The following ITPR2 variants were observed in gnomAD, a reference collection of about 807,000 sequenced individuals.
ITPR2 encodes inositol 1,4,5-trisphosphate receptor type 2.
ITPR2 carries 207 observed loss-of-function variants against 317.1 expected under a neutral mutation model. The ratio of observed to expected loss-of-function variants is 0.65; its 90% confidence interval spans 0.58 to 0.73. The LOEUF (loss-of-function observed/expected upper bound fraction) is 0.73. ITPR2 is among the 30% of genes least tolerant of loss of function. The pLI, the probability that ITPR2 is intolerant of heterozygous loss-of-function variation, is 0.00. For missense variants in ITPR2, 2,613 were observed against 3,284.0 expected (o/e 0.80, Z 4.99); for synonymous variants, 1,156 against 1,149.1 (o/e 1.01, Z -0.12).
intron 21 of ITPR2, among the ~76,000 whole-genome samples, chr12:26,642,947 G>T (rs573308489): frequency 1.8e-4 from 27 of 152,230 alleles, no homozygotes; most frequent in African/African-American, 6.5e-4. Flanking sequence ...CTGTGTTTGT[G>T]TCCCCCCGAA....
At chr12:26,490,180 G>A (rs957204733) in intron 39 of ITPR2, among the ~76,000 whole-genome samples, 6 of 152,172 alleles carry the variant, frequency 3.9e-5, no homozygotes, top group African/African-American at 7.2e-5. Flanking sequence ...CTATACTGAA[G>A]AAGTTGAAAT....
At chr12:26,549,214 A>G (rs1358693739) in intron 37 of ITPR2, among the ~76,000 whole-genome samples, 1 of 152,204 alleles carries the variant, frequency 6.6e-6, no homozygotes, top group East Asian at 1.9e-4. Context: ...CTAAAATTGC[A>G]TTGACCACCT....
At chr12:26,537,724 A>G (rs777342813) in intron 37 of ITPR2, among the ~76,000 whole-genome samples, 1 of 152,214 alleles carries the variant, frequency 6.6e-6, no homozygotes, top group African/African-American at 2.4e-5. Context: ...TCTGTATTCC[A>G]TGACTGTATA....
chr12:26,456,231 C>T (rs1941881921), intron 45 of ITPR2, among the ~76,000 whole-genome samples: 1 of 152,154 alleles, frequency 6.6e-6, no homozygotes. Context: ...AGAAGCTGGC[C>T]AAAACCCACC....
chr12:26,832,561 G>T, intron 1 of ITPR2, 129 bp downstream of exon 1: 1 of 581,006 alleles, frequency 1.7e-6, no homozygotes, highest in Non-Finnish European at 2.9e-6. Flanking sequence ...GGCGCTGTCC[G>T]CGGGCGCCGA....
At chr12:26,466,704 T>C (rs1942178437) in intron 45 of ITPR2, among the ~76,000 whole-genome samples, 1 of 152,222 alleles carries the variant, frequency 6.6e-6, no homozygotes, top group Non-Finnish European at 1.5e-5. Context: ...ATCACATTTT[T>C]ATAGATGAGA....
intron 1 of ITPR2, among the ~76,000 whole-genome samples, chr12:26,825,651 T>G (rs1444474390): frequency 6.6e-6 from 1 of 152,198 alleles, no homozygotes; most frequent in Non-Finnish European, 1.5e-5. Flanking sequence ...GGAGGGGTGG[T>G]TGTTTACTTG....
chr12:26,784,735 C>G (rs896882355), intron 2 of ITPR2, among the ~76,000 whole-genome samples: 3 of 151,104 alleles, frequency 2.0e-5, no homozygotes, highest in South Asian at 4.2e-4. Context: ...CCCAAAGTGC[C>G]GAGATTGCAG....
chr12:26,341,146 C>T (rs947741195), intron 55 of ITPR2, among the ~76,000 whole-genome samples: 2 of 152,132 alleles, frequency 1.3e-5, no homozygotes, highest in African/African-American at 4.8e-5. Context: ...ATCATGTGGT[C>T]CCCATTTTAC....
At chr12:26,605,277 T>C (rs1946106861) in intron 26 of ITPR2, among the ~76,000 whole-genome samples, 1 of 151,868 alleles carries the variant, frequency 6.6e-6, no homozygotes, top group Non-Finnish European at 1.5e-5. Flanking sequence ...TTCCATTTGA[T>C]AGCAAAAATA....
chr12:26,731,698 T>G (rs1486700014), intron 2 of ITPR2, among the ~76,000 whole-genome samples: 1 of 152,112 alleles, frequency 6.6e-6, no homozygotes, highest in African/African-American at 2.4e-5. Context: ...CTCAGGAGGC[T>G]GAGACAAGAG....
intron 1 of ITPR2, among the ~76,000 whole-genome samples, chr12:26,807,316 A>G (rs1478159511): frequency 1.3e-5 from 2 of 152,246 alleles, no homozygotes; most frequent in East Asian, 1.9e-4. Context: ...TCTATGTTCC[A>G]CTGTAATAAA....
chr12:26,764,628 A>G (rs768461334), intron 2 of ITPR2, among the ~76,000 whole-genome samples: 9 of 152,156 alleles, frequency 5.9e-5, no homozygotes, highest in Non-Finnish European at 1.0e-4. Flanking sequence ...AAATAAATAA[A>G]CCACAAAGAA....
intron 37 of ITPR2, among the ~76,000 whole-genome samples, chr12:26,501,116 T>C (rs1038277143): frequency 1.3e-5 from 2 of 152,194 alleles, no homozygotes; most frequent in Admixed American, 1.3e-4. Context: ...TCCTCAAAGA[T>C]TCATGATAAG....
intron 10 of ITPR2, among the ~76,000 whole-genome samples, chr12:26,691,098 T>G (rs1017897600): frequency 5.3e-5 from 8 of 152,228 alleles, no homozygotes; most frequent in African/African-American, 1.9e-4. Context: ...TAATAAACTC[T>G]CTTGGTAGAC....
chr12:26,412,402 G>A (rs1224394107), intron 51 of ITPR2, among the ~76,000 whole-genome samples: 1 of 152,180 alleles, frequency 6.6e-6, no homozygotes, highest in Non-Finnish European at 1.5e-5. Flanking sequence ...CCCTGAGGGT[G>A]GGCACATCCC....
chr12:26,366,393 A>G (rs1939011294), intron 55 of ITPR2, among the ~76,000 whole-genome samples: 1 of 152,214 alleles, frequency 6.6e-6, no homozygotes, highest in African/African-American at 2.4e-5. Flanking sequence ...TCCAGAAAGT[A>G]GCTTCAGATT....
At chr12:26,541,522 T>G (rs1237963931) in intron 37 of ITPR2, among the ~76,000 whole-genome samples, 1 of 152,226 alleles carries the variant, frequency 6.6e-6, no homozygotes, top group African/African-American at 2.4e-5. Flanking sequence ...AACTAAAATG[T>G]GTTTCTCTCA....
chr12:26,555,746 C>T (rs562252492), intron 36 of ITPR2, among the ~76,000 whole-genome samples: 15 of 152,286 alleles, frequency 9.8e-5, no homozygotes, highest in East Asian at 5.8e-4. Flanking sequence ...CTGAAGCACA[C>T]GTGGTCCTCA....
Sources: gnomAD v4.1 joint callset for allele counts (sites outside exome capture counted in the v4.1 genomes callset) on GRCh38, gnomAD v4.1.1 for gene constraint, MANE v1.5 for transcripts, NCBI Gene and HGNC (gene_info 2026-07-23, HGNC 2026-07-21) for gene names.